The following MTHFD1L variants were observed in gnomAD, a reference collection of about 807,000 sequenced individuals.
MTHFD1L encodes methylenetetrahydrofolate dehydrogenase (NADP+ dependent) 1 like.
Under a neutral mutation model 119.5 loss-of-function variants are expected in MTHFD1L, and 81 were observed. That is an observed-to-expected ratio of 0.68 (90% confidence interval 0.57 to 0.82). The LOEUF (loss-of-function observed/expected upper bound fraction) is 0.82. Ranked by LOEUF, MTHFD1L falls within the 40% of genes least tolerant of loss-of-function variation. The probability of loss-of-function intolerance (pLI) is 0.00; values close to 1 mark genes in which losing one functional copy is unlikely to be tolerated. For missense variants in MTHFD1L, 1,125 were observed against 1,253.4 expected, an observed-to-expected ratio of 0.90 and a Z score of 1.55; for synonymous variants, 430 against 475.2, an observed-to-expected ratio of 0.90 and a Z score of 1.24.
At chr6:151,001,680 G>T (rs1446631152) in intron 20 of MTHFD1L, among the ~76,000 whole-genome samples, 1 of 152,132 alleles carries the variant, frequency 6.6e-6, no homozygotes, top group African/African-American at 2.4e-5. Context: ...ACCTCAGGAG[G>T]CCGGATTGCA....
chr6:151,034,446 A>G (rs1309816675), intron 24 of MTHFD1L, 47 bp from the exon 25 acceptor site: 9 of 1,312,418 alleles, frequency 6.9e-6, no homozygotes, highest in Non-Finnish European at 8.8e-6. Flanking sequence ...AAAAATCTTT[A>G]ACCAGATTAA....
At position 150,876,083 on chromosome 6, in the gene MTHFD1L, A is replaced by G. The variant is rs1379042431; in HGVS notation, c.228-7A>G. ...AAATCACAATGTTGTTTTCTTTCTC[A>G]ATGTAGAGAAGTCATTCAGAATTCA... On this transcript the variant is annotated splice_polypyrimidine_tract_variant and splice_region_variant and intron_variant, in intron 1 of 27. Transcript: ENST00000367321. 5.7e-6 allele frequency: 9 copies of G among 1,589,044 alleles called. No individual in the cohort carries two copies. The East Asian group carries it at 1.8e-4, about 32-fold the overall frequency.
chr6:150,915,241 G>A lies in MTHFD1L; in HGVS notation c.893-3336G>A, dbSNP rs187801461. On this transcript the variant is annotated intron_variant, in intron 8 of 27. Coordinates refer to ENST00000367321, the MANE Select transcript of MTHFD1L (RefSeq NM_015440.5). ...AAATTCATAAACTTTCTTAAAACAC[G>A]AAATTTTTTTTGCAATTTTTTTTTT... 9.7e-4 allele frequency among the ~76,000 whole-genome samples: 148 copies of A among 152,162 alleles called. 1 individual carries two copies. In the Middle Eastern group the frequency reaches 0.014, roughly 14 times the overall value.
chr6:151,025,625 G>A (rs1002091963), intron 24 of MTHFD1L, among the ~76,000 whole-genome samples: 8 of 152,076 alleles, frequency 5.3e-5, no homozygotes, highest in Admixed American at 1.3e-4. Flanking sequence ...CATGTTTTAC[G>A]GGACTTGGAA....
intron 1 of MTHFD1L, 146 bp downstream of exon 1, chr6:150,866,195 G>C (rs1778267795): frequency 1.5e-6 from 2 of 1,362,010 alleles, no homozygotes; most frequent in Non-Finnish European, 1.9e-6. Flanking sequence ...GCGGTGTGTC[G>C]GGAAACGCGG....
Position 151,101,166 on chromosome 6 carries a change from T to TAA in MTHFD1L, c.*32-352_*32-351dup, listed in dbSNP as rs200049492. ...AAAGTGAGACTCTGTCTCAAAAAATTAAAAAAAAATTTTTTTAAATCCTAA... is the reference window on the plus strand; with the variant it reads ...AAAGTGAGACTCTGTCTCAAAAAATTAAAAAAAAAAATTTTTTTAAATCCTAA... On this transcript the variant is annotated intron_variant, in intron 27 of 27. Coordinates refer to ENST00000367321, the MANE Select transcript of MTHFD1L (RefSeq NM_015440.5). Among the ~76,000 whole-genome samples, 15 of 152,030 alleles carry TAA rather than the reference T, an allele frequency of 9.9e-5. No homozygotes were observed. In the East Asian group the frequency reaches 1.2e-3, roughly 12 times the overall value.
chr6:151,050,632 G>A (rs1315177444), intron 26 of MTHFD1L, among the ~76,000 whole-genome samples: 2 of 152,124 alleles, frequency 1.3e-5, no homozygotes, highest in Non-Finnish European at 2.9e-5. Flanking sequence ...ATGGTGGGGG[G>A]CACTCGGCCC....
chr6:151,084,696 T>A (rs999806172), intron 26 of MTHFD1L, among the ~76,000 whole-genome samples: 1 of 152,148 alleles, frequency 6.6e-6, no homozygotes, highest in African/African-American at 2.4e-5. Flanking sequence ...CCGGGCGTGG[T>A]GGCTCATGCC....
rs769300755 is a variant in MTHFD1L at position 150,932,816 on chromosome 6, G to GAGGAAGGAAGGAAAGGAAGGAAGGAAGGA, written c.1257-3975_1257-3974insAGGAAGGAAGGAAGGAAGGAAGGAAGGAA. Among the ~76,000 whole-genome samples the GAGGAAGGAAGGAAAGGAAGGAAGGAAGGA allele has an allele frequency of 1.9e-3, 222 of 119,540 alleles. 4 individuals are homozygous for GAGGAAGGAAGGAAAGGAAGGAAGGAAGGA. The highest frequency in any genetic ancestry group is 7.1e-3 in the African/African-American group (216 of 30,354). The allele number at this position is 119,540 out of a possible 152,430, so 78.4% of individuals were successfully genotyped here. On this transcript the variant is annotated intron_variant, in intron 11 of 27. Coordinates refer to ENST00000367321, the MANE Select transcript of MTHFD1L (RefSeq NM_015440.5). ...GAAGAAAGGGAGGAAGAGAGGGAGG[G>GAGGAAGGAAGGAAAGGAAGGAAGGAAGGA]AGGAAGGAAGGAAGGAAGGAAGGAA... is the stretch of plus-strand genomic sequence containing the variant.
chr6:150,971,957 T>C lies in MTHFD1L; in HGVS notation c.2024T>C (p.Val675Ala). The change falls in exon 20 of 28, where the codon GTG (valine) becomes GCG (alanine). Residue 675 changes from valine (V) to alanine (A), a missense_variant. Transcript: ENST00000367321. ...NLMQTLEGTP[V>A]FVHAGPFANI... ...TTTTCACTTCTCTAGGGGACACCTG[T>C]GTTCGTGCATGCGGGCCCTTTTGCT... The C allele has an allele frequency of 1.2e-6, 2 of 1,614,142 alleles. No individual in the cohort carries two copies. The highest frequency in any genetic ancestry group is 1.7e-6 in the Non-Finnish European group (2 of 1,179,984).
At chr6:151,101,089 A>G (rs1048442359) in intron 27 of MTHFD1L, among the ~76,000 whole-genome samples, 4 of 151,908 alleles carry the variant, frequency 2.6e-5, no homozygotes, top group Non-Finnish European at 4.4e-5. Context: ...AACCCGGGAG[A>G]CGGAGGTTGC....
At chr6:151,030,881 T>C (rs1370084731) in intron 24 of MTHFD1L, among the ~76,000 whole-genome samples, 1 of 152,200 alleles carries the variant, frequency 6.6e-6, no homozygotes, top group Non-Finnish European at 1.5e-5. Context: ...AATATGAACA[T>C]TGAATCTTTT....
chr6:150,869,527 AT>A (rs1287100609), intron 1 of MTHFD1L, among the ~76,000 whole-genome samples: 7 of 152,076 alleles, frequency 4.6e-5, no homozygotes, highest in Non-Finnish European at 8.8e-5. Context: ...TATGGCTGCA[AT>A]TTTATTTTTG....
At chr6:150,978,150 G>A (rs1244687100) in intron 20 of MTHFD1L, among the ~76,000 whole-genome samples, 3 of 151,796 alleles carry the variant, frequency 2.0e-5, no homozygotes, top group Non-Finnish European at 4.4e-5. Context: ...CACCCGCCTC[G>A]GCCTCCCAAA....
intron 13 of MTHFD1L, among the ~76,000 whole-genome samples, chr6:150,943,786 A>G (rs1793529526): frequency 6.6e-6 from 1 of 152,226 alleles, no homozygotes; most frequent in Non-Finnish European, 1.5e-5. Flanking sequence ...GAGTGTGCTC[A>G]TGAGACTGGA....
chr6:150,991,083 G>T (rs969516498), intron 20 of MTHFD1L, among the ~76,000 whole-genome samples: 7 of 150,082 alleles, frequency 4.7e-5, no homozygotes, highest in African/African-American at 1.7e-4. Flanking sequence ...TCTTGAACTC[G>T]TGACCTCAGG....
At chr6:150,866,182 C>A in intron 1 of MTHFD1L, 133 bp downstream of exon 1, 2 of 1,361,508 alleles carry the variant, frequency 1.5e-6, no homozygotes, top group Non-Finnish European at 1.9e-6. Flanking sequence ...TTAGGGGGGC[C>A]GGGCGGTGTG....
At chr6:151,031,697 G>C (rs551590582) in intron 24 of MTHFD1L, among the ~76,000 whole-genome samples, 1 of 152,158 alleles carries the variant, frequency 6.6e-6, no homozygotes, top group East Asian at 1.9e-4. Flanking sequence ...AAATTTTGCT[G>C]TAGTGAAATC....
At chr6:150,905,010 C>T (rs1785650930) in intron 7 of MTHFD1L, among the ~76,000 whole-genome samples, 1 of 151,026 alleles carries the variant, frequency 6.6e-6, no homozygotes, top group South Asian at 2.1e-4. Flanking sequence ...TGAGCCAGAC[C>T]TCATGGCCTT....
Sources: allele counts gnomAD v4.1 joint callset (sites outside exome capture counted in the v4.1 genomes callset), GRCh38; gene constraint gnomAD v4.1.1; transcripts MANE v1.5; gene names NCBI Gene and HGNC (gene_info 2026-07-23, HGNC 2026-07-21).